TRPM2: variants seen among roughly 807,000 people sequenced by gnomAD.
The protein encoded by TRPM2 is estrogen-responsive element-associated gene 1 protein.
A neutral mutation model predicts 174.0 loss-of-function variants in TRPM2; 161 were observed. The observed-to-expected ratio is 0.93, with a 90% CI of 0.81 to 1.05. The LOEUF is 1.05. TRPM2 is among the 50% of genes least tolerant of loss of function. The pLI, the probability that TRPM2 is intolerant of heterozygous loss-of-function variation, is 0.00. For missense variants in TRPM2, 2,057 were observed against 2,038.0 expected (o/e 1.01, Z -0.18); for synonymous variants, 954 against 861.3 (o/e 1.11, Z -1.88).
intron 25 of TRPM2, among the ~76,000 whole-genome samples, chr21:44,426,413 C>T (rs1257828299): frequency 1.3e-5 from 2 of 152,032 alleles, no homozygotes; most frequent in Admixed American, 6.5e-5. Flanking sequence ...ACCCCCAAGG[C>T]CCCCAAGTCA....
chr21:44,441,677 C>G lies in TRPM2; in HGVS notation c.4387-15C>G. On this transcript the variant is annotated splice_polypyrimidine_tract_variant and intron_variant, in intron 31 of 31. Transcript: ENST00000397928. ...GGGCTGGCGGGGAGGGTCAGCTGTG[C>G]CCTTGTTCTTCCAGAACCTGCACGC... The G allele has an allele frequency of 4.4e-6, 7 of 1,602,786 alleles. No homozygotes were observed. Among genetic ancestry groups the G allele is most frequent in the Non-Finnish European group, 6.0e-6 (7 of 1,174,928 alleles).
At position 44,354,660 on chromosome 21, in the gene TRPM2, A is replaced by C. The variant is rs371708768; in HGVS notation, c.178A>C (p.Ser60Arg). ...FGNNDKQESLSSWIPENIKKK... is the reference protein window; with the variant it reads ...FGNNDKQESLRSWIPENIKKK... ...TCTTTACCTTCAGCAAGAAAGCCTC[A>C]GTTCGTGGATTCCTGAAAACATCAA... The change falls in exon 2 of 32, where the codon AGT becomes CGT. Residue 60 changes from serine to arginine, a missense_variant. By Grantham distance (110) the Ser-to-Arg change is moderately radical. Coordinates refer to ENST00000397928, the MANE Select transcript of TRPM2 (RefSeq NM_003307.4). This position sits in a 1 kb window ranked among gnomAD's most constrained non-coding sequence, Gnocchi z 4.3. The C allele has an allele frequency of 1.4e-5, 23 of 1,614,166 alleles. No homozygotes were observed. The highest frequency in any genetic ancestry group is 1.8e-5 in the Non-Finnish European group (21 of 1,180,004).
intron 19 of TRPM2, among the ~76,000 whole-genome samples, chr21:44,407,942 C>T (rs940465833): frequency 3.4e-5 from 5 of 147,512 alleles, no homozygotes; most frequent in Non-Finnish European, 7.5e-5. Context: ...TTTTTTTTTT[C>T]CCCTAGAGGG....
chr21:44,396,030 AGGGCTGT>A (rs2049366808), intron 12 of TRPM2, among the ~76,000 whole-genome samples: 1 of 36,470 alleles, frequency 2.7e-5, no homozygotes. Context: ...AGGGGTGTGG[AGGGCTGT>A]GGAGGCTGTG....
chr21:44,391,135 G>A lies in TRPM2; in HGVS notation c.1440+110G>A. On this transcript the variant is annotated intron_variant, in intron 10 of 31. Coordinates refer to ENST00000397928, the MANE Select transcript of TRPM2 (RefSeq NM_003307.4). This position sits in a 1 kb window ranked among gnomAD's most constrained non-coding sequence, Gnocchi z 5.0. ...TTGTCTGGATCCCAGCCCTTCCCTT[G>A]AGGGTGGGTGACCTGGGCAGCTTTC... 1 of 1,565,610 alleles carries A rather than the reference G, an allele frequency of 6.4e-7. No individual in the cohort carries two copies. The highest frequency in any genetic ancestry group is 8.7e-7 in the Non-Finnish European group (1 of 1,150,286).
intron 20 of TRPM2, chr21:44,416,272 G>A (rs1004642384): frequency 6.6e-6 from 1 of 152,280 alleles, no homozygotes; most frequent in African/African-American, 2.4e-5. Flanking sequence ...CATTGGCTAA[G>A]TTGCTGAGGT....
chr21:44,419,590 A>G (rs76052642), intron 22 of TRPM2, among the ~76,000 whole-genome samples: 1 of 304 alleles, frequency 3.3e-3, no homozygotes, highest in Non-Finnish European at 9.1e-3. Context: ...TAGTGGTGGT[A>G]GTGGTGATGT....
chr21:44,389,968 G>A (rs2049123537), intron 9 of TRPM2, among the ~76,000 whole-genome samples: 1 of 151,596 alleles, frequency 6.6e-6, no homozygotes, highest in Non-Finnish European at 1.5e-5. Flanking sequence ...CGCCTCCTGG[G>A]TTCACACCAT....
Position 44,424,953 on chromosome 21 carries a change from C to T in TRPM2, c.3637+14C>T. 6.3e-7 allele frequency: 1 copy of T among 1,589,394 alleles called. No individual in the cohort carries two copies. Among genetic ancestry groups the T allele is most frequent in the Non-Finnish European group, 8.5e-7 (1 of 1,170,402 alleles). On this transcript the variant is annotated intron_variant, in intron 24 of 31. Transcript: ENST00000397928. ...TCCCCACTCTGGGTGAGTGGGTGGC[C>T]AGGCCAGCAGCTGGTCTCCAGCCGC... is the stretch of plus-strand genomic sequence containing the variant.
intron 12 of TRPM2, 29 bp downstream of exon 12, chr21:44,395,580 A>G: frequency 1.2e-6 from 2 of 1,612,058 alleles, no homozygotes; most frequent in Non-Finnish European, 8.5e-7. Context: ...CAGTCTCAGC[A>G]GACACAGCTA....
intron 8 of TRPM2, among the ~76,000 whole-genome samples, chr21:44,381,128 T>A (rs1388648310): frequency 6.6e-6 from 1 of 150,834 alleles, no homozygotes; most frequent in Non-Finnish European, 1.5e-5. Context: ...GGCATGGAGG[T>A]GGAGTGTGAG....
In TRPM2 at chr21:44,427,019, G is replaced by C; in HGVS notation, c.3882G>C (p.Glu1294Asp). 1 of 1,599,614 alleles carries C rather than the reference G, an allele frequency of 6.3e-7. No homozygotes were observed. The highest frequency in any genetic ancestry group is 8.5e-7 in the Non-Finnish European group (1 of 1,174,318). Residue 1294 changes from glutamate (E) to aspartate (D), a missense_variant, in exon 27 of 32, where the codon GAG becomes GAC. Glu to Asp is a conservative substitution (Grantham distance 45, BLOSUM62 2). Transcript: ENST00000397928. The stretch of plus-strand genomic sequence containing the variant: ...TCTCCTCTGCTCCCAGCACCCTGGA[G>C]CCACTGTCCACGATCCAGTACAACG... ...AAMDPMGDTL[E>D]PLSTIQYNVV... is the part of the protein sequence containing the mutation.
intron 19 of TRPM2, 102 bp from the exon 20 acceptor site, chr21:44,413,789 G>A (rs761810361): frequency 7.0e-5 from 95 of 1,362,548 alleles, no homozygotes; most frequent in Non-Finnish European, 9.4e-5. Context: ...AGGCCTGCGG[G>A]GGACCTGGCA....
chr21:44,425,940 C>T, intron 25 of TRPM2, 113 bp downstream of exon 25: 3 of 1,297,850 alleles, frequency 2.3e-6, no homozygotes, highest in Non-Finnish European at 3.0e-6. Context: ...ACTGCAGCCA[C>T]AGGGGGATCT....
rs1407292095 is a variant in TRPM2 at position 44,391,200 on chromosome 21, A to G, written c.1441-72A>G. ...GGGGACAACAGCAGCCCCCATCTCC[A>G]GGGTCTTTGAGATCAGGATGACATG... On this transcript the variant is annotated intron_variant, in intron 10 of 31. Coordinates refer to ENST00000397928, the MANE Select transcript of TRPM2 (RefSeq NM_003307.4). The surrounding 1 kb of genome is among the most constrained non-coding windows in gnomAD (Gnocchi z 5.0). 3 of 1,539,208 alleles carry G rather than the reference A, an allele frequency of 1.9e-6. No homozygotes were observed.
intron 6 of TRPM2, 135 bp from the exon 7 acceptor site, chr21:44,377,577 G>A: frequency 1.7e-6 from 2 of 1,182,290 alleles, no homozygotes; most frequent in African/African-American, 1.5e-5. Flanking sequence ...GGGCAGGGGA[G>A]AGTGCCCTCA....
intron 18 of TRPM2, 63 bp downstream of exon 18, chr21:44,406,100 C>T: frequency 1.3e-6 from 2 of 1,582,016 alleles, no homozygotes; most frequent in Non-Finnish European, 8.5e-7. Context: ...TCGGGGAGGG[C>T]AGGCCCCTTG....
intron 2 of TRPM2, among the ~76,000 whole-genome samples, chr21:44,362,443 C>T (rs541906291): frequency 6.7e-6 from 1 of 149,286 alleles, no homozygotes; most frequent in African/African-American, 2.5e-5. Context: ...ACCTGGGAGG[C>T]GGAGCTTGCA....
intron 2 of TRPM2, among the ~76,000 whole-genome samples, chr21:44,362,299 T>C (rs1186145327): frequency 1.4e-5 from 2 of 142,954 alleles, no homozygotes; most frequent in Admixed American, 1.5e-4. Flanking sequence ...GGTCAGGAGA[T>C]GGAGACCATC....
Sources: gnomAD v4.1 joint callset for allele counts (sites outside exome capture counted in the v4.1 genomes callset) on GRCh38, gnomAD v4.1.1 for gene constraint, Gnocchi (gnomAD v3.1) non-coding constraint, MANE v1.5 for transcripts, NCBI Gene and HGNC (gene_info 2026-07-23, HGNC 2026-07-21) for gene names.